FANCB: variants seen among roughly 807,000 people sequenced by gnomAD.
FANCB encodes the protein FA complementation group B.
A neutral mutation model predicts 38.9 loss-of-function variants in FANCB; 5 were observed. That is an observed-to-expected ratio of 0.13 (90% CI 0.07 to 0.27). The LOEUF (loss-of-function observed/expected upper bound fraction) is 0.27, where lower values mean the gene tolerates loss of function less well. Ranked by LOEUF, FANCB falls within the 10% of genes least tolerant of loss-of-function variation. The pLI, the probability that FANCB is intolerant of heterozygous loss-of-function variation, is 1.00. For synonymous variants in FANCB, 236 were observed against 215.4 expected (o/e 1.10, Z -0.84); for missense variants, 573 against 602.7 (o/e 0.95, Z 0.52).
intron 3 of FANCB, among the ~76,000 whole-genome samples, chrX:14,864,034 C>T (rs1482996400): frequency 7.2e-5 from 8 of 110,939 alleles, no homozygotes; most frequent in Admixed American, 1.9e-4. Flanking sequence ...ACTCGGGAGG[C>T]TGAGGCAGGA....
At chrX:14,775,053 C>T in the FANCB span, among the ~76,000 whole-genome samples, 251 of 109,037 alleles carry the variant, frequency 2.3e-3, 2 homozygotes, top group African/African-American at 7.6e-3. Flanking sequence ...AGGAGGGTCT[C>T]GATCTCCTGA....
the FANCB span, among the ~76,000 whole-genome samples, chrX:14,763,318 A>G: frequency 8.9e-6 from 1 of 112,462 alleles, no homozygotes; most frequent in African/African-American, 3.2e-5. Flanking sequence ...GTATCTTCTA[A>G]AAAGGGAATA....
intron 2 of FANCB, among the ~76,000 whole-genome samples, chrX:14,865,934 C>T (rs1168072013): frequency 9.0e-6 from 1 of 111,565 alleles, no homozygotes; most frequent in Non-Finnish European, 1.9e-5. Flanking sequence ...CCTAACAACT[C>T]TAATGTGGTT....
the FANCB span, among the ~76,000 whole-genome samples, chrX:14,755,943 T>G: frequency 4.5e-5 from 5 of 111,688 alleles, no homozygotes; most frequent in African/African-American, 1.6e-4. Flanking sequence ...GGTACTGGCA[T>G]AAAAACAGAC....
At chrX:14,808,746 T>C in the FANCB span, among the ~76,000 whole-genome samples, 1 of 112,247 alleles carries the variant, frequency 8.9e-6, no homozygotes, top group Non-Finnish European at 1.9e-5. Flanking sequence ...ACAAAGGGCA[T>C]CTACATTAGA....
At chrX:14,724,108 C>T in the FANCB span, among the ~76,000 whole-genome samples, 3 of 111,551 alleles carry the variant, frequency 2.7e-5, no homozygotes, top group East Asian at 8.5e-4. Context: ...TTCCAAAGCA[C>T]CCATCATTAT....
chrX:14,767,872 G>A, the FANCB span, among the ~76,000 whole-genome samples: 1 of 112,172 alleles, frequency 8.9e-6, no homozygotes, highest in African/African-American at 3.2e-5. Context: ...TATGGTGCAA[G>A]GAAGGAGTCC....
At chrX:14,694,193 G>C in the FANCB span, among the ~76,000 whole-genome samples, 1 of 111,833 alleles carries the variant, frequency 8.9e-6, no homozygotes, top group Admixed American at 9.5e-5. Flanking sequence ...AGTAGTTTAA[G>C]GTAGGTGAGG....
At chrX:14,781,945 C>T in the FANCB span, among the ~76,000 whole-genome samples, 1 of 111,720 alleles carries the variant, frequency 9.0e-6, no homozygotes, top group East Asian at 2.8e-4. Context: ...AAATGTTGGT[C>T]ATGGATTGGA....
At chrX:14,845,378 G>T in intron 7 of FANCB, 92 bp from the exon 8 acceptor site, 1 of 685,733 alleles carries the variant, frequency 1.5e-6, no homozygotes, top group Non-Finnish European at 2.3e-6. Context: ...AGTAAAAAAT[G>T]TTTATTCTTT....
the FANCB span, among the ~76,000 whole-genome samples, chrX:14,702,527 TAAGTGTGAATATA>T: frequency 2.7e-5 from 3 of 112,297 alleles, no homozygotes; most frequent in African/African-American, 9.7e-5. Context: ...AAGCTTGTCT[TAAGTGTGAATATA>T]AAAGTGGCTT....
At chrX:14,850,193 T>C (rs887303218) in intron 7 of FANCB, among the ~76,000 whole-genome samples, 1 of 110,774 alleles carries the variant, frequency 9.0e-6, no homozygotes, top group African/African-American at 3.3e-5. Flanking sequence ...CTACTAAAAA[T>C]ACAAAAACTA....
chrX:14,762,965 G>A, the FANCB span, among the ~76,000 whole-genome samples: 1,467 of 112,025 alleles, frequency 0.013, 11 homozygotes, highest in Non-Finnish European at 0.018. Flanking sequence ...ACTGTGGCTT[G>A]TGGGGCAGTG....
the FANCB span, among the ~76,000 whole-genome samples, chrX:14,715,607 T>C: frequency 9.0e-6 from 1 of 111,514 alleles, no homozygotes; most frequent in Admixed American, 9.6e-5. Context: ...TGGCTCAGGA[T>C]CAGGGGTCAA....
At chrX:14,770,278 T>A in the FANCB span, among the ~76,000 whole-genome samples, 1 of 111,985 alleles carries the variant, frequency 8.9e-6, no homozygotes, top group Non-Finnish European at 1.9e-5. Flanking sequence ...GGAGTCTAAG[T>A]CTCTTTGTAG....
the FANCB span, among the ~76,000 whole-genome samples, chrX:14,786,021 G>A: frequency 8.9e-6 from 1 of 111,961 alleles, no homozygotes; most frequent in East Asian, 2.8e-4. Context: ...GAAGTTAACT[G>A]CAATGTCTTC....
the FANCB span, among the ~76,000 whole-genome samples, chrX:14,709,428 G>A: frequency 8.9e-6 from 1 of 111,846 alleles, no homozygotes; most frequent in Non-Finnish European, 1.9e-5. Context: ...TGGGCCTACA[G>A]ACAAGTTTTC....
the FANCB span, among the ~76,000 whole-genome samples, chrX:14,696,551 T>C: frequency 9.0e-6 from 1 of 111,563 alleles, no homozygotes; most frequent in African/African-American, 3.3e-5. Flanking sequence ...GACATTAGTA[T>C]GAGTGTTGGG....
At chrX:14,716,488 G>T in the FANCB span, among the ~76,000 whole-genome samples, 1 of 111,702 alleles carries the variant, frequency 9.0e-6, no homozygotes, top group Non-Finnish European at 1.9e-5. Context: ...GCTGCAGAAA[G>T]GACTACAATT....
Sources: gnomAD v4.1 joint callset for allele counts (sites outside exome capture counted in the v4.1 genomes callset) on GRCh38, gnomAD v4.1.1 for gene constraint, MANE v1.5 for transcripts, NCBI Gene and HGNC (gene_info 2026-07-23, HGNC 2026-07-21) for gene names.